The following TRMT11 variants were observed in gnomAD, a reference collection of about 807,000 sequenced individuals.
The protein encoded by TRMT11 is tRNA methyltransferase 11.
In TRMT11, 53 loss-of-function variants were observed where a neutral mutation model predicts 62.8. That is an observed-to-expected ratio of 0.84 (90% CI 0.68 to 1.06). TRMT11 has a LOEUF of 1.06. Among genes scored for constraint, TRMT11 ranks in the 50% least tolerant of loss-of-function variants. The pLI is 0.00. For synonymous variants in TRMT11, 188 were observed against 190.3 expected (o/e 0.99, Z 0.10); for missense variants, 556 against 553.4 (o/e 1.00, Z -0.05).
chr6:126,059,044 T>C (rs941352239), intron 17 of TRMT11, among the ~76,000 whole-genome samples: 1 of 142,438 alleles, frequency 7.0e-6, no homozygotes, highest in African/African-American at 3.0e-5. Flanking sequence ...TCTCTACTTA[T>C]CTTTTTTTTT....
chr6:126,120,134 G>A (rs193077485), intron 21 of TRMT11, among the ~76,000 whole-genome samples: 3 of 152,174 alleles, frequency 2.0e-5, no homozygotes, highest in Admixed American at 1.3e-4. Context: ...AATTAGCCAG[G>A]TGTGGTGGCG....
In TRMT11 at chr6:125,986,575, A is replaced by T. The variant is rs1383147182; in HGVS notation, c.25A>T (p.Arg9Trp). 4 of 1,592,126 alleles carry T rather than the reference A, an allele frequency of 2.5e-6. No individual in the cohort carries two copies. Among genetic ancestry groups the T allele is most frequent in the Non-Finnish European group, 3.4e-6 (4 of 1,171,520 alleles). The change falls in exon 1 of 13, where the codon AGG becomes TGG. Residue 9 changes from arginine (R) to tryptophan (W), a missense_variant. Coordinates refer to ENST00000334379, the MANE Select transcript of TRMT11 (RefSeq NM_001031712.3). MALSCTLN[R>W]YLLLMAQEHL... is the part of the protein sequence containing the mutation. Reference sequence around the variant, plus strand: ...AATGGCGCTGTCGTGTACCCTTAACAGGTATCTGCTCCTCATGGCGCAGGA... The same window carrying T: ...AATGGCGCTGTCGTGTACCCTTAACTGGTATCTGCTCCTCATGGCGCAGGA...
At chr6:126,210,048 TTC>T in the TRMT11 span, among the ~76,000 whole-genome samples, 1 of 152,214 alleles carries the variant, frequency 6.6e-6, no homozygotes, top group Non-Finnish European at 1.5e-5. Flanking sequence ...TGCTGTGTAT[TTC>T]TCTCTTTAGT....
At chr6:126,263,319 G>C in the TRMT11 span, among the ~76,000 whole-genome samples, 6 of 152,052 alleles carry the variant, frequency 3.9e-5, no homozygotes, top group Non-Finnish European at 7.4e-5. Flanking sequence ...CATAGAATTA[G>C]GTGATCTCCA....
downstream of TRMT11, among the ~76,000 whole-genome samples, chr6:126,204,634 T>C (rs1778772787): frequency 6.6e-6 from 1 of 152,216 alleles, no homozygotes; most frequent in Non-Finnish European, 1.5e-5. Flanking sequence ...AATTACAGTT[T>C]AATATGACAG....
rs66890632 is a variant in TRMT11, at chr6:126,151,905, CTCTTTCTT to C, written c.*1824-22886_*1824-22879del. ...CCTTCCTTGTCTTTTTCTTTCTTTTCTCTTTCTTTCTTTCTTTCTTTCTTTCTTTCTTT... is the reference window on the plus strand; with the variant it reads ...CCTTCCTTGTCTTTTTCTTTCTTTTCTCTTTCTTTCTTTCTTTCTTTCTTT... On this transcript the variant is annotated intron_variant and NMD_transcript_variant, in intron 21 of 22. Transcript: ENST00000648977. Among the ~76,000 whole-genome samples the C allele has an allele frequency of 1.0e-3, 83 of 80,432 alleles. 2 individuals are homozygous for C. Among genetic ancestry groups the C allele is most frequent in the South Asian group, 5.8e-3 (10 of 1,712 alleles). 52.8% of individuals were successfully genotyped at this position (80,432 alleles called of 152,430 possible).
intron 21 of TRMT11, among the ~76,000 whole-genome samples, chr6:126,117,600 A>G (rs956375736): frequency 1.3e-5 from 2 of 152,072 alleles, no homozygotes; most frequent in Non-Finnish European, 2.9e-5. Context: ...TTTGTGATCT[A>G]GAGCTTCAGT....
chr6:126,227,862 C>G, the TRMT11 span, among the ~76,000 whole-genome samples: 1 of 152,104 alleles, frequency 6.6e-6, no homozygotes. Context: ...TTAAGTGATC[C>G]TGGGGAATGT....
At chr6:126,000,322 C>T (rs1368332199) in intron 7 of TRMT11, among the ~76,000 whole-genome samples, 1 of 152,054 alleles carries the variant, frequency 6.6e-6, no homozygotes, top group Non-Finnish European at 1.5e-5. Context: ...CTCATTGTGG[C>T]TCATTTTGTG....
intron 16 of TRMT11, among the ~76,000 whole-genome samples, chr6:126,048,034 G>T (rs1283989726): frequency 6.6e-6 from 1 of 152,176 alleles, no homozygotes; most frequent in Non-Finnish European, 1.5e-5. Context: ...TGAAAAAGTG[G>T]CAGCTAATCC....
chr6:125,986,621 C>G lies in TRMT11; in HGVS notation c.71C>G (p.Pro24Arg), dbSNP rs376216829. The G allele has an allele frequency of 1.5e-5, 24 of 1,580,698 alleles. No individual in the cohort carries two copies. Among genetic ancestry groups the G allele is most frequent in the Middle Eastern group, 3.3e-4 (2 of 6,026 alleles). ...CAGGAGCATCTGGAGTTCCGCCTGC[C>G]GGTGAGTCCGTAGCGCCCTCCGGAA... The part of the protein sequence containing the change: ...MAQEHLEFRL[P>R]EIKSLLLLFG... The change falls in exon 1 of 13, where the codon CCG (proline) becomes CGG (arginine). Residue 24 changes from proline (P) to arginine (R), a missense_variant and splice_region_variant. Pro to Arg is a moderately radical substitution (Grantham distance 103, BLOSUM62 -2). Transcript: ENST00000334379.
chr6:126,048,683 G>A (rs1391666038), intron 16 of TRMT11, among the ~76,000 whole-genome samples: 2 of 152,176 alleles, frequency 1.3e-5, no homozygotes, highest in Non-Finnish European at 2.9e-5. Flanking sequence ...AGTACTTGAT[G>A]TTTCTGATGC....
intron 21 of TRMT11, among the ~76,000 whole-genome samples, chr6:126,148,044 A>G (rs1777994314): frequency 6.6e-6 from 1 of 152,196 alleles, no homozygotes; most frequent in South Asian, 2.1e-4. Context: ...CTTAAAGTAT[A>G]ATAATTAAAA....
the TRMT11 span, among the ~76,000 whole-genome samples, chr6:126,261,091 T>C: frequency 6.6e-6 from 1 of 152,206 alleles, no homozygotes; most frequent in African/African-American, 2.4e-5. Context: ...GGGTATCCCA[T>C]AAGCCCCATA....
the TRMT11 span, among the ~76,000 whole-genome samples, chr6:126,241,155 C>A: frequency 6.6e-6 from 1 of 152,234 alleles, no homozygotes; most frequent in Non-Finnish European, 1.5e-5. Flanking sequence ...CCTTGCCCTT[C>A]CTGGGTGAGG....
chr6:125,992,397 A>G (rs906802644), intron 1 of TRMT11, among the ~76,000 whole-genome samples: 71 of 152,260 alleles, frequency 4.7e-4, no homozygotes, highest in Admixed American at 4.1e-3. Flanking sequence ...ATGCTTTAAT[A>G]TAGAACAAAC....
At chr6:126,271,488 T>C in the TRMT11 span, among the ~76,000 whole-genome samples, 1 of 147,702 alleles carries the variant, frequency 6.8e-6, no homozygotes, top group Non-Finnish European at 1.5e-5. Flanking sequence ...AAATGGTTTA[T>C]ATATATATAT....
chr6:126,259,756 T>G, the TRMT11 span, among the ~76,000 whole-genome samples: 1 of 152,214 alleles, frequency 6.6e-6, no homozygotes, highest in African/African-American at 2.4e-5. Context: ...TGCTCCAGTT[T>G]GGGTGCATAT....
At chr6:126,092,400 G>A (rs1335428129) in intron 17 of TRMT11, among the ~76,000 whole-genome samples, 1 of 152,164 alleles carries the variant, frequency 6.6e-6, no homozygotes, top group African/African-American at 2.4e-5. Context: ...TGAGAGCCAA[G>A]TGAAAAGGAA....
Sources: allele counts gnomAD v4.1 joint callset (sites outside exome capture counted in the v4.1 genomes callset), GRCh38; gene constraint gnomAD v4.1.1; transcripts MANE v1.5; gene names NCBI Gene and HGNC (gene_info 2026-07-23, HGNC 2026-07-21).